IRAG2: variants seen among roughly 807,000 people sequenced by gnomAD.
IRAG2 encodes lymphoid restricted membrane protein.
In IRAG2, 45 loss-of-function variants were observed where a neutral mutation model predicts 69.9. The ratio of observed to expected loss-of-function variants is 0.64; its 90% CI spans 0.51 to 0.83. IRAG2 has a LOEUF of 0.83. Among genes scored for constraint, IRAG2 ranks in the 40% least tolerant of loss-of-function variants. IRAG2 has a pLI of 0.00. For missense variants in IRAG2, 520 were observed against 587.0 expected (o/e 0.89, Z 1.18); for synonymous variants, 193 against 202.4 (o/e 0.95, Z 0.40).
At chr12:25,024,502 A>G (rs1944607661) in intron 8 of IRAG2, among the ~76,000 whole-genome samples, 1 of 152,248 alleles carries the variant, frequency 6.6e-6, no homozygotes, top group African/African-American at 2.4e-5. Flanking sequence ...CATTGGAAGA[A>G]CAGGGAACAA....
At chr12:25,089,365 G>C (rs369845391) in intron 11 of IRAG2, among the ~76,000 whole-genome samples, 1 of 151,356 alleles carries the variant, frequency 6.6e-6, no homozygotes, top group South Asian at 2.1e-4. Flanking sequence ...GCTGTTGCTT[G>C]ATTCTGAGAC....
At chr12:25,070,609 A>G (rs980558888) in intron 6 of IRAG2, among the ~76,000 whole-genome samples, 1 of 152,166 alleles carries the variant, frequency 6.6e-6, no homozygotes, top group Non-Finnish European at 1.5e-5. Flanking sequence ...GCATCAGTGT[A>G]TTGGTTTTTG....
chr12:25,040,100 A>C (rs552234185), intron 16 of IRAG2, among the ~76,000 whole-genome samples: 8 of 152,202 alleles, frequency 5.3e-5, no homozygotes, highest in Non-Finnish European at 1.2e-4. Context: ...CATTGGGCAA[A>C]ATACTCCTTA....
At chr12:25,011,256 C>A in intron 2 of IRAG2, 1 of 941,182 alleles carries the variant, frequency 1.1e-6, no homozygotes, top group Non-Finnish European at 1.4e-6. Context: ...GCAGGACTGC[C>A]AGGGTTATAT....
chr12:25,081,750 A>C (rs1947226636), intron 9 of IRAG2, among the ~76,000 whole-genome samples: 1 of 152,248 alleles, frequency 6.6e-6, no homozygotes, highest in African/African-American at 2.4e-5. Context: ...TATCCATGTA[A>C]TAGAATACTA....
chr12:25,065,333 C>G (rs1945906664), intron 4 of IRAG2, among the ~76,000 whole-genome samples: 1 of 152,176 alleles, frequency 6.6e-6, no homozygotes, highest in African/African-American at 2.4e-5. Flanking sequence ...TTCAAGATCA[C>G]ACAACTGGTA....
At chr12:25,052,322 C>A (rs1944899443), upstream of IRAG2, 2 of 397,548 alleles carry the variant, frequency 5.0e-6, no homozygotes, top group Non-Finnish European at 8.9e-6. Flanking sequence ...AAGAAACCAG[C>A]CAACGGCTGG....
intron 10 of IRAG2, among the ~76,000 whole-genome samples, chr12:25,030,666 C>A (rs139708705): frequency 6.3e-4 from 96 of 152,290 alleles, no homozygotes; most frequent in African/African-American, 2.1e-3. Flanking sequence ...GGATTACAGG[C>A]GTGAGCCACC....
chr12:25,050,547 AC>A (rs1555129701), upstream of IRAG2, among the ~76,000 whole-genome samples: 10,688 of 106,000 alleles, frequency 0.1, 2,570 homozygotes, highest in South Asian at 0.14. Context: ...AAACAAACAA[AC>A]AAACAAAAAA....
chr12:25,101,408 A>G, intron 16 of IRAG2, 83 bp downstream of exon 16: 1 of 913,358 alleles, frequency 1.1e-6, no homozygotes. Flanking sequence ...TTACTTCAGT[A>G]TAATAAAACT....
In IRAG2 at chr12:25,023,091, A is replaced by T. The variant is rs898490324; in HGVS notation, c.1333-780A>T. The stretch of plus-strand genomic sequence containing the variant: ...CAGTGAACCGAGATCGCACTATTGT[A>T]CCCCAGCCTGGGCAACAAGAGCGAG... On this transcript the variant is annotated intron_variant, in intron 7 of 38. Coordinates refer to the IRAG2 transcript ENST00000636465. Among the ~76,000 whole-genome samples, 5 of 147,476 alleles carry T rather than the reference A, an allele frequency of 3.4e-5. No individual in the cohort carries two copies. In the East Asian group the frequency reaches 8.0e-4, roughly 24 times the overall value.
chr12:25,013,905 C>T (rs2200405), intron 3 of IRAG2, among the ~76,000 whole-genome samples: 28,364 of 115,048 alleles, frequency 0.25, 3,854 homozygotes, highest in Middle Eastern at 0.41. Flanking sequence ...GACAGAGTCT[C>T]GCTCTGTTGC....
intron 9 of IRAG2, among the ~76,000 whole-genome samples, chr12:25,081,920 G>C (rs1021491375): frequency 6.6e-6 from 1 of 152,028 alleles, no homozygotes; most frequent in African/African-American, 2.4e-5. Flanking sequence ...ACATGGGGAC[G>C]GTCTTACTCT....
At chr12:25,081,426 T>C (rs1435428651) in intron 9 of IRAG2, among the ~76,000 whole-genome samples, 2 of 152,214 alleles carry the variant, frequency 1.3e-5, no homozygotes, top group East Asian at 1.9e-4. Context: ...ATTGCACCAC[T>C]GCACTCCAGC....
At chr12:25,070,014 A>T (rs1022420365) in intron 6 of IRAG2, among the ~76,000 whole-genome samples, 3 of 152,160 alleles carry the variant, frequency 2.0e-5, no homozygotes, top group African/African-American at 7.2e-5. Flanking sequence ...CACAGTCTGC[A>T]CCCTGAGCCT....
At chr12:25,059,763 T>C (rs1945500578) in intron 1 of IRAG2, among the ~76,000 whole-genome samples, 1 of 152,146 alleles carries the variant, frequency 6.6e-6, no homozygotes, top group Admixed American at 6.5e-5. Flanking sequence ...TCAAGCTTGA[T>C]TGAGAAGTAA....
At chr12:25,088,054 G>T (rs75911568) in intron 10 of IRAG2, 46 bp from the exon 11 acceptor site, 173,706 of 1,361,520 alleles carry the variant, frequency 0.13, 12,056 homozygotes, top group South Asian at 0.16. Context: ...GACTGGTTAT[G>T]AAGTATTTCC....
intron 14 of IRAG2, chr12:25,090,755 A>T: frequency 2.3e-6 from 1 of 427,192 alleles, no homozygotes; most frequent in Middle Eastern, 4.3e-4. Context: ...AAAATGAAAA[A>T]TGTCTTTTTA....
At chr12:25,065,879 A>G (rs983950051) in intron 4 of IRAG2, among the ~76,000 whole-genome samples, 3 of 152,160 alleles carry the variant, frequency 2.0e-5, no homozygotes, top group African/African-American at 7.2e-5. Context: ...CATGTTGCCC[A>G]GGCTGGTCTC....
Sources: gnomAD v4.1 joint callset for allele counts (sites outside exome capture counted in the v4.1 genomes callset) on GRCh38, gnomAD v4.1.1 for gene constraint, MANE v1.5 for transcripts, NCBI Gene and HGNC (gene_info 2026-07-23, HGNC 2026-07-21) for gene names.